Variants in TLL2 observed in about 807,000 individuals in gnomAD.
The protein encoded by TLL2 is tolloid-like protein 2.
A neutral mutation model predicts 123.0 loss-of-function variants in TLL2; 106 were observed. That is an observed-to-expected ratio of 0.86 (90% CI 0.74 to 1.01). TLL2 has a LOEUF of 1.01. Among genes scored for constraint, TLL2 ranks in the 50% least tolerant of loss-of-function variants. The probability of loss-of-function intolerance (pLI) is 0.00; values close to 1 mark genes in which losing one functional copy is unlikely to be tolerated. For synonymous variants in TLL2, 494 were observed against 516.8 expected (o/e 0.96, Z 0.60); for missense variants, 1,332 against 1,336.7 (o/e 1.00, Z 0.06).
intron 2 of TLL2, among the ~76,000 whole-genome samples, chr10:96,462,987 C>T (rs1847094680): frequency 6.6e-6 from 1 of 152,190 alleles, no homozygotes; most frequent in Non-Finnish European, 1.5e-5. Flanking sequence ...TGGGAACATG[C>T]AAATTGGGAG....
At chr10:96,428,830 G>T in intron 4 of TLL2, 82 bp from the exon 5 acceptor site, 1 of 963,516 alleles carries the variant, frequency 1.0e-6, no homozygotes, top group Non-Finnish European at 1.6e-6. Context: ...TCAAGACGGA[G>T]TTTTGCCTTT....
chr10:96,432,817 C>T lies in TLL2; in HGVS notation c.510G>A (p.Gly170=). ...TCTGTGGCTACTGACCAGTGAAGTT[C>T]CCTCCAATGACGTAGGGGATGACTC... ...PGGVIPYVIG[G]NFTGSQRAIF... is the part of the protein sequence containing the mutation. The change falls in exon 4 of 21, where the codon GGG becomes GGA. Residue 170 remains glycine (G), a synonymous_variant. Coordinates refer to ENST00000357947, the MANE Select transcript of TLL2 (RefSeq NM_012465.4). 2 of 1,613,902 alleles carry T rather than the reference C, an allele frequency of 1.2e-6. No individual in the cohort carries two copies. Among genetic ancestry groups the T allele is most frequent in the African/African-American group, 2.7e-5 (2 of 75,036 alleles).
At chr10:96,381,548 C>T (rs555213433) in intron 16 of TLL2, among the ~76,000 whole-genome samples, 1 of 152,332 alleles carries the variant, frequency 6.6e-6, no homozygotes, top group African/African-American at 2.4e-5. Context: ...ATCTCCACCT[C>T]CATGTCTTCC....
rs550602947 is a variant in TLL2, at chr10:96,413,237, T to A, written c.1003A>T (p.Ser335Cys). The part of the protein sequence containing the change: ...RPTIGQRVRL[S>C]QGDIAQARKL... ...CGGGCTTGAGCTATGTCTCCCTGAC[T>A]GAGCCGCACGCGCTGGCCAATGGTT... The change falls in exon 8 of 21, where the codon AGT becomes TGT. Residue 335 changes from serine to cysteine, a missense_variant. Physicochemically the swap from Ser to Cys is moderately radical, Grantham distance 112 (BLOSUM62 -1). Transcript: ENST00000357947. 2.2e-5 allele frequency: 36 copies of A among 1,614,226 alleles called. No individual in the cohort carries two copies. Among genetic ancestry groups the A allele is most frequent in the Non-Finnish European group, 2.6e-5 (31 of 1,180,028 alleles).
chr10:96,366,617 T>A lies in TLL2; in HGVS notation c.*1471A>T, dbSNP rs931541574. 3.9e-5 allele frequency: 6 copies of A among 152,548 alleles called. No homozygotes were observed. Among genetic ancestry groups the A allele is most frequent in the African/African-American group, 1.4e-4 (6 of 41,452 alleles). The allele number at this position is 152,548 out of a possible 1,614,324, so 9.4% of individuals were successfully genotyped here. A position where few individuals can be genotyped will look rare whatever the true frequency, so the allele number is the denominator to read the frequency against. ...GCCACATTCTGATCTGTAAAAAATATAACCTTTCACCTTTTACATATACTT... is the reference window on the plus strand; with the variant it reads ...GCCACATTCTGATCTGTAAAAAATAAAACCTTTCACCTTTTACATATACTT... On this transcript the variant is annotated 3_prime_UTR_variant, in exon 21 of 21. Transcript: ENST00000357947.
chr10:96,368,216 C>G lies in TLL2; in HGVS notation c.2920G>C (p.Glu974Gln). ...GAATCACCTGCAGAGTAGATTTCTT[C>G]TAATGGCTGAGGAAAGGAGAAAGGG... ...LGRFCGSGPLEEIYSAGDSLM... is the reference protein window; with the variant it reads ...LGRFCGSGPLQEIYSAGDSLM... The change falls in exon 21 of 21, where the codon GAA becomes CAA. Residue 974 changes from glutamate to glutamine, a missense_variant. Glu to Gln is a conservative substitution (Grantham distance 29). Coordinates refer to ENST00000357947, the MANE Select transcript of TLL2 (RefSeq NM_012465.4). 1 of 1,613,880 alleles carries G rather than the reference C, an allele frequency of 6.2e-7. No individual in the cohort carries two copies. The highest frequency in any genetic ancestry group is 8.5e-7 in the Non-Finnish European group (1 of 1,179,988).
Position 96,419,428 on chromosome 10 carries a change from T to C in TLL2, c.923+1528A>G, listed in dbSNP as rs148161642. Reference sequence around the variant, plus strand: ...GTCTGCCTCCCTCAAAGGCAAGGGGTCACAGGAGAACTATGACTAGAACCC... The same window carrying C: ...GTCTGCCTCCCTCAAAGGCAAGGGGCCACAGGAGAACTATGACTAGAACCC... On this transcript the variant is annotated intron_variant, in intron 7 of 20. Coordinates refer to ENST00000357947, the MANE Select transcript of TLL2 (RefSeq NM_012465.4). 3.9e-3 allele frequency among the ~76,000 whole-genome samples: 598 copies of C among 151,704 alleles called. 6 individuals are homozygous for C. Among genetic ancestry groups the C allele is most frequent in the African/African-American group, 0.014 (572 of 41,280 alleles).
At chr10:96,457,971 T>C (rs1421392956) in intron 2 of TLL2, among the ~76,000 whole-genome samples, 1 of 152,120 alleles carries the variant, frequency 6.6e-6, no homozygotes, top group Non-Finnish European at 1.5e-5. Context: ...CCTTCTAAAA[T>C]GCAAGCTCCA....
In TLL2 at chr10:96,376,691, C is replaced by G. The variant is rs753694722; in HGVS notation, c.2448+1G>C. Reference sequence around the variant, plus strand: ...CTCAATAAACTACAAAAATGACTCACGAGTTTCACTCTGTGGCCTGCAGTC... The same window carrying G: ...CTCAATAAACTACAAAAATGACTCAGGAGTTTCACTCTGTGGCCTGCAGTC... On this transcript the variant is annotated splice_donor_variant, in intron 18 of 20. Coordinates refer to ENST00000357947, the MANE Select transcript of TLL2 (RefSeq NM_012465.4). LOFTEE classifies it high-confidence loss of function. 6.2e-7 allele frequency: 1 copy of G among 1,609,444 alleles called. No individual in the cohort carries two copies. Among genetic ancestry groups the G allele is most frequent in the Non-Finnish European group, 8.5e-7 (1 of 1,178,052 alleles).
At chr10:96,433,228 T>A (rs1846762947) in intron 3 of TLL2, among the ~76,000 whole-genome samples, 1 of 152,044 alleles carries the variant, frequency 6.6e-6, no homozygotes, top group Admixed American at 6.5e-5. Context: ...CAGAATCAAA[T>A]GGGCAGGGAT....
intron 3 of TLL2, among the ~76,000 whole-genome samples, chr10:96,433,921 G>A (rs994885983): frequency 6.6e-6 from 1 of 151,968 alleles, no homozygotes; most frequent in Non-Finnish European, 1.5e-5. Flanking sequence ...TATAACAGGC[G>A]GAAGCCATCA....
chr10:96,397,880 G>C (rs79879956), intron 10 of TLL2, among the ~76,000 whole-genome samples: 4,096 of 152,242 alleles, frequency 0.027, 162 homozygotes, highest in African/African-American at 0.087. Context: ...CAGGACTAGC[G>C]GGAGAGCAGC....
At chr10:96,441,482 A>G (rs2134085134) in intron 3 of TLL2, among the ~76,000 whole-genome samples, 1 of 152,294 alleles carries the variant, frequency 6.6e-6, no homozygotes, top group Middle Eastern at 3.4e-3. Flanking sequence ...CTTAGAGTGG[A>G]GTCAAGGCAC....
At chr10:96,407,349 C>A (rs952638802) in intron 9 of TLL2, among the ~76,000 whole-genome samples, 25 of 152,098 alleles carry the variant, frequency 1.6e-4, no homozygotes, top group African/African-American at 5.3e-4. Context: ...CACCCTCTGT[C>A]TTATAATGAT....
intron 5 of TLL2, among the ~76,000 whole-genome samples, chr10:96,426,901 G>C (rs1291639880): frequency 1.3e-5 from 2 of 152,104 alleles, no homozygotes; most frequent in African/African-American, 4.8e-5. Flanking sequence ...ATTTTGTTGT[G>C]GTGATGGTGG....
intron 2 of TLL2, among the ~76,000 whole-genome samples, chr10:96,471,913 CGTGT>C (rs376103395): frequency 1.3e-5 from 2 of 151,596 alleles, no homozygotes; most frequent in African/African-American, 4.8e-5. Context: ...TGTGTGCGTG[CGTGT>C]GTGTGTGTAC....
chr10:96,487,872 T>A (rs528881241), intron 1 of TLL2, among the ~76,000 whole-genome samples: 1 of 152,144 alleles, frequency 6.6e-6, no homozygotes, highest in South Asian at 2.1e-4. Flanking sequence ...GACAACAGGC[T>A]CCCATGTACA....
intron 5 of TLL2, among the ~76,000 whole-genome samples, chr10:96,424,224 A>C (rs1376547016): frequency 6.6e-6 from 1 of 152,176 alleles, no homozygotes; most frequent in Admixed American, 6.5e-5. Flanking sequence ...AAATGAAAGC[A>C]TGAATAAGAT....
chr10:96,392,931 G>T (rs12355236), intron 13 of TLL2, among the ~76,000 whole-genome samples: 91 of 152,314 alleles, frequency 6.0e-4, no homozygotes, highest in Admixed American at 5.9e-4. Context: ...AAGGCAAAGA[G>T]GTGGAAGGAA....
Sources: allele counts gnomAD v4.1 joint callset (sites outside exome capture counted in the v4.1 genomes callset), GRCh38; gene constraint gnomAD v4.1.1; transcripts MANE v1.5; gene names NCBI Gene and HGNC (gene_info 2026-07-23, HGNC 2026-07-21).